CREB5: variants seen among roughly 807,000 people sequenced by gnomAD.
The protein encoded by CREB5 is cyclic AMP-responsive element-binding protein 5.
In CREB5, 19 loss-of-function variants were observed where a neutral mutation model predicts 57.1. The ratio of observed to expected loss-of-function variants is 0.33; its 90% CI spans 0.23 to 0.49. The LOEUF is 0.49. CREB5 is among the 20% of genes least tolerant of loss of function. The probability of loss-of-function intolerance (pLI) is 0.99; values close to 1 mark genes in which losing one functional copy is unlikely to be tolerated. For synonymous variants in CREB5, 238 were observed against 238.3 expected (o/e 1.00, Z 0.01); for missense variants, 579 against 671.6 (o/e 0.86, Z 1.52).
intron 5 of CREB5, among the ~76,000 whole-genome samples, chr7:28,639,118 T>C (rs1798544963): frequency 6.6e-6 from 1 of 152,246 alleles, no homozygotes; most frequent in Non-Finnish European, 1.5e-5. Flanking sequence ...TCCTCTAGAC[T>C]ATTTGAATAA....
At chr7:28,773,906 T>C (rs1455373609) in intron 7 of CREB5, among the ~76,000 whole-genome samples, 2 of 152,214 alleles carry the variant, frequency 1.3e-5, no homozygotes, top group Non-Finnish European at 2.9e-5. Flanking sequence ...TCAGTTCCCA[T>C]GCCAACGCTT....
At chr7:28,302,536 G>T (rs1241709088) in intron 1 of CREB5, among the ~76,000 whole-genome samples, 1 of 152,138 alleles carries the variant, frequency 6.6e-6, no homozygotes, top group Non-Finnish European at 1.5e-5. Flanking sequence ...ATTAGATTTT[G>T]AATCCAATCC....
intron 7 of CREB5, among the ~76,000 whole-genome samples, chr7:28,772,070 AC>A (rs1276289606): frequency 6.6e-6 from 1 of 152,112 alleles, no homozygotes; most frequent in African/African-American, 2.4e-5. Context: ...TCGGGCCACC[AC>A]CTACCTTGGC....
intron 1 of CREB5, among the ~76,000 whole-genome samples, chr7:28,323,149 C>T (rs1292297488): frequency 3.3e-5 from 5 of 152,132 alleles, no homozygotes; most frequent in Non-Finnish European, 7.4e-5. Flanking sequence ...TTCTTTCATA[C>T]CCTCCCCTCA....
At chr7:28,495,398 C>T (rs752626483) in intron 3 of CREB5, among the ~76,000 whole-genome samples, 2 of 151,836 alleles carry the variant, frequency 1.3e-5, no homozygotes, top group Non-Finnish European at 2.9e-5. Context: ...AAAAATTAGC[C>T]GGGCATGGTG....
chr7:28,373,844 GT>G (rs1234225921), intron 1 of CREB5, among the ~76,000 whole-genome samples: 2 of 151,552 alleles, frequency 1.3e-5, no homozygotes, highest in African/African-American at 4.8e-5. Context: ...AATAAGTGTG[GT>G]TAATATTCAT....
At chr7:28,770,365 G>A (rs1050585394) in intron 7 of CREB5, among the ~76,000 whole-genome samples, 8 of 152,120 alleles carry the variant, frequency 5.3e-5, no homozygotes, top group Non-Finnish European at 7.3e-5. Context: ...GAGTTGGGTA[G>A]GGAAAGAGAA....
intron 1 of CREB5, among the ~76,000 whole-genome samples, chr7:28,309,337 T>A (rs1181386671): frequency 2.0e-5 from 3 of 152,196 alleles, no homozygotes; most frequent in African/African-American, 7.2e-5. Context: ...ACAGGTGAAA[T>A]TAACGCACCT....
intron 9 of CREB5, among the ~76,000 whole-genome samples, chr7:28,816,794 C>A (rs942686388): frequency 6.6e-6 from 1 of 152,164 alleles, no homozygotes; most frequent in Non-Finnish European, 1.5e-5. Flanking sequence ...CAATGTTAAT[C>A]GTCCTTTTCG....
rs531509205 is a variant in CREB5 at position 28,384,589 on chromosome 7, T to C, written c.-25+85148T>C. On this transcript the variant is annotated intron_variant, in intron 1 of 9. Coordinates refer to the CREB5 transcript ENST00000396299. ...CTGTCAAAGCAGTTACCTCTCCTAATAAAAAAAAACCCAAAAGATAGATTA... is the reference window on the plus strand; with the variant it reads ...CTGTCAAAGCAGTTACCTCTCCTAACAAAAAAAAACCCAAAAGATAGATTA... Among the ~76,000 whole-genome samples, 6 of 150,926 alleles carry C rather than the reference T, an allele frequency of 4.0e-5. No individual in the cohort carries two copies. The South Asian group carries it at 1.3e-3, about 32-fold the overall frequency.
chr7:28,628,884 G>A (rs1194743824), intron 5 of CREB5, among the ~76,000 whole-genome samples: 2 of 152,160 alleles, frequency 1.3e-5, no homozygotes, highest in Non-Finnish European at 2.9e-5. Context: ...AAGATTATTA[G>A]ATAGGCATTG....
At chr7:28,731,416 C>T (rs1161523260) in intron 7 of CREB5, among the ~76,000 whole-genome samples, 2 of 152,116 alleles carry the variant, frequency 1.3e-5, no homozygotes, top group East Asian at 1.9e-4. Context: ...AATATACATT[C>T]GATTATGTGT....
intron 1 of CREB5, among the ~76,000 whole-genome samples, chr7:28,360,993 C>T (rs1786464516): frequency 6.6e-6 from 1 of 152,076 alleles, no homozygotes; most frequent in East Asian, 1.9e-4. Context: ...TAGATAGGGG[C>T]CAGGGATGCT....
chr7:28,725,047 A>T (rs1229607731), intron 7 of CREB5, among the ~76,000 whole-genome samples: 2 of 152,234 alleles, frequency 1.3e-5, no homozygotes, highest in Non-Finnish European at 2.9e-5. Context: ...TAGGTCATTT[A>T]GTTTACATAC....
chr7:28,661,446 C>G (rs1418418143), intron 5 of CREB5, among the ~76,000 whole-genome samples: 1 of 151,616 alleles, frequency 6.6e-6, no homozygotes, highest in African/African-American at 2.4e-5. Flanking sequence ...CTCTGGCTCC[C>G]TGGAGCCCAG....
chr7:28,516,172 C>T (rs1348075813), intron 4 of CREB5, among the ~76,000 whole-genome samples: 1 of 151,932 alleles, frequency 6.6e-6, no homozygotes, highest in Non-Finnish European at 1.5e-5. Flanking sequence ...TGTGATCGCA[C>T]CACTGTACTC....
intron 5 of CREB5, among the ~76,000 whole-genome samples, chr7:28,640,976 G>A (rs1233296636): frequency 6.6e-6 from 1 of 152,088 alleles, no homozygotes; most frequent in Non-Finnish European, 1.5e-5. Flanking sequence ...TAAATCTTTG[G>A]TGCAGCTGGG....
At chr7:28,488,122 G>A in intron 1 of CREB5, 53 bp from the exon 2 acceptor site, 1 of 1,543,602 alleles carries the variant, frequency 6.5e-7, no homozygotes. Flanking sequence ...GGTAGAAGCA[G>A]AAGATATTCA....
intron 7 of CREB5, among the ~76,000 whole-genome samples, chr7:28,731,493 G>T (rs1199912445): frequency 6.6e-6 from 1 of 152,184 alleles, no homozygotes. Flanking sequence ...CAGGAAGGGA[G>T]TTCGGGGATT....
Sources: allele counts gnomAD v4.1 joint callset (sites outside exome capture counted in the v4.1 genomes callset), GRCh38; gene constraint gnomAD v4.1.1; transcripts MANE v1.5; gene names NCBI Gene and HGNC (gene_info 2026-07-23, HGNC 2026-07-21).